The following NFKBIB variants were observed in gnomAD, a reference collection of about 807,000 sequenced individuals.
NFKBIB encodes the protein NF-kappa-B inhibitor beta.
In NFKBIB, 16 loss-of-function variants were observed where a neutral mutation model predicts 32.1. The ratio of observed to expected loss-of-function variants is 0.50; its 90% CI spans 0.34 to 0.76. The LOEUF (loss-of-function observed/expected upper bound fraction) is 0.76. Among genes scored for constraint, NFKBIB ranks in the 30% least tolerant of loss-of-function variants. The pLI, the probability that NFKBIB is intolerant of heterozygous loss-of-function variation, is 0.01. For missense variants in NFKBIB, 437 were observed against 514.9 expected, an observed-to-expected ratio of 0.85 and a Z score of 1.46; for synonymous variants, 222 against 219.5, an observed-to-expected ratio of 1.01 and a Z score of -0.10.
At chr19:38,906,985 G>C (rs1402904260) in intron 3 of NFKBIB, among the ~76,000 whole-genome samples, 1 of 152,204 alleles carries the variant, frequency 6.6e-6, no homozygotes, top group African/African-American at 2.4e-5. Flanking sequence ...ACCCCAGGCT[G>C]TTTACCCGCG....
At chr19:38,907,951 G>A (rs750672519) in intron 5 of NFKBIB, 120 of 1,246,414 alleles carry the variant, frequency 9.6e-5, no homozygotes, top group Non-Finnish European at 1.2e-4. Context: ...GGGTGGTAGC[G>A]CTGGGGGTGA....
chr19:38,907,723 G>A (rs1242266326), intron 5 of NFKBIB, 64 bp downstream of exon 5: 1 of 1,492,922 alleles, frequency 6.7e-7, no homozygotes, highest in Non-Finnish European at 9.0e-7. Flanking sequence ...CAGGCAAGAA[G>A]CCCAAGAAGA....
intron 1 of NFKBIB, among the ~76,000 whole-genome samples, chr19:38,903,165 C>T (rs1273289107): frequency 3.9e-5 from 6 of 152,134 alleles, no homozygotes; most frequent in Non-Finnish European, 1.5e-5. Context: ...TATCTGGCTC[C>T]TTACAGAAAA....
At chr19:38,903,962 C>T (rs1005744632) in intron 1 of NFKBIB, among the ~76,000 whole-genome samples, 43 of 151,926 alleles carry the variant, frequency 2.8e-4, no homozygotes, top group Middle Eastern at 3.4e-3. Context: ...TCCGGCTACT[C>T]GGGAGGCTGA....
chr19:38,905,741 C>T lies in NFKBIB; in HGVS notation c.619+206C>T, dbSNP rs1448785294. ...AGGACCCAGGACCCCCACCTGGAGG[C>T]CCCAGGTCACTTGGGATGCAGACCT... On this transcript the variant is annotated intron_variant, in intron 3 of 5. Transcript: ENST00000313582. The surrounding 1 kb of genome is among the most constrained non-coding windows in gnomAD (Gnocchi z 5.5). Among the ~76,000 whole-genome samples, 2 of 152,136 alleles carry T rather than the reference C, an allele frequency of 1.3e-5. No homozygotes were observed. Among genetic ancestry groups the T allele is most frequent in the Non-Finnish European group, 2.9e-5 (2 of 68,006 alleles).
chr19:38,907,103 G>A (rs756242633), intron 3 of NFKBIB, 118 bp from the exon 4 acceptor site: 6 of 920,210 alleles, frequency 6.5e-6, no homozygotes, highest in Non-Finnish European at 9.9e-6. Flanking sequence ...CAAGAATTCA[G>A]GAACCAGCCC....
At position 38,905,288 on chromosome 19, in the gene NFKBIB, G is replaced by C; in HGVS notation, c.372G>C (p.Glu124Asp). The C allele has an allele frequency of 1.2e-6, 2 of 1,604,470 alleles. No individual in the cohort carries two copies. The highest frequency in any genetic ancestry group is 1.1e-5 in the South Asian group (1 of 90,304). ...CAGGCGCCGGGCTGTGTGTGGCGGA[G>C]CGTAGGGGCCACACGGCGCTGCACC... Reference protein sequence around the residue: ...YAAGAGLCVAERRGHTALHLA... With the variant: ...YAAGAGLCVADRRGHTALHLA... Residue 124 changes from glutamate to aspartate, a missense_variant, in exon 3 of 6, where the codon GAG (glutamate) becomes GAC (aspartate). Transcript: ENST00000313582. This position sits in a 1 kb window ranked among gnomAD's most constrained non-coding sequence, Gnocchi z 5.5.
In NFKBIB at chr19:38,907,950, C is replaced by T. The variant is rs540416242; in HGVS notation, c.969+291C>T. 21 of 1,241,636 alleles carry T rather than the reference C, an allele frequency of 1.7e-5. No homozygotes were observed. In the African/African-American group the frequency reaches 2.1e-4, roughly 13 times the overall value. The allele number at this position is 1,241,636 out of a possible 1,614,324, so 76.9% of individuals were successfully genotyped here. On this transcript the variant is annotated intron_variant, in intron 5 of 5. Transcript: ENST00000313582. ...TGAACACAGCGGGGGTGGGTGGTAG[C>T]GCTGGGGGTGATTTTAGGCAGCAAG...
chr19:38,904,277 G>A (rs559875158), intron 1 of NFKBIB, among the ~76,000 whole-genome samples: 22 of 152,148 alleles, frequency 1.4e-4, no homozygotes, highest in African/African-American at 3.6e-4. Flanking sequence ...TATCCCACCC[G>A]ATAGCCTGTG....
At position 38,905,483 on chromosome 19, in the gene NFKBIB, A is replaced by C. The variant is rs765375783; in HGVS notation, c.567A>C (p.Glu189Asp). 6.2e-7 allele frequency: 1 copy of C among 1,613,772 alleles called. No homozygotes were observed. The highest frequency in any genetic ancestry group is 2.2e-5 in the East Asian group (1 of 44,878). Residue 189 changes from glutamate to aspartate, a missense_variant, in exon 3 of 6, where the codon GAA becomes GAC. Physicochemically the swap from Glu to Asp is conservative, Grantham distance 45 (BLOSUM62 2). Coordinates refer to ENST00000313582, the MANE Select transcript of NFKBIB (RefSeq NM_002503.5). The surrounding 1 kb of genome is among the most constrained non-coding windows in gnomAD (Gnocchi z 5.5). ...LYPDSDLEKE[E>D]EESEEDWKLQ... Reference sequence around the variant, plus strand: ...CCGATTCCGACTTGGAGAAGGAAGAAGAGGAGAGTGAGGAGGACTGGAAGC... The same window carrying C: ...CCGATTCCGACTTGGAGAAGGAAGACGAGGAGAGTGAGGAGGACTGGAAGC...
In NFKBIB at chr19:38,903,480, G is replaced by T. The variant is rs61559005; in HGVS notation, c.180-1535G>T. ...TTTTTGTATTTTTTGTAGAGACAGG[G>T]TCTCATCGTGTTGGCCAGGTTGGTC... On this transcript the variant is annotated intron_variant, in intron 1 of 5. Transcript: ENST00000313582. Among the ~76,000 whole-genome samples the T allele has an allele frequency of 7.1e-3, 1,077 of 152,048 alleles. 30 individuals are homozygous for T. In the East Asian group the frequency reaches 0.085, roughly 12 times the overall value.
At chr19:38,899,792 C>T (rs201274083), upstream of NFKBIB, 89 of 677,230 alleles carry the variant, frequency 1.3e-4, no homozygotes, top group Non-Finnish European at 2.0e-4. Context: ...GTGGCGTCAG[C>T]AGCCATGTTG....
rs901479979 is a variant in NFKBIB at position 38,907,769 on chromosome 19, C to T, written c.969+110C>T. On this transcript the variant is annotated intron_variant, in intron 5 of 5. Transcript: ENST00000313582. ...CCGACCTTGGGCTGCTGTTAGAGAACTCAGGCAGCAGCGCCAGTGACACGG... is the reference window on the plus strand; with the variant it reads ...CCGACCTTGGGCTGCTGTTAGAGAATTCAGGCAGCAGCGCCAGTGACACGG... 2.8e-5 allele frequency: 41 copies of T among 1,455,230 alleles called. 1 individual carries two copies. The highest frequency in any genetic ancestry group is 2.3e-4 in the African/African-American group (16 of 70,144). 90.1% of individuals were successfully genotyped at this position (1,455,230 alleles called of 1,614,324 possible). A position where few individuals can be genotyped will look rare whatever the true frequency, so the allele number is the denominator to read the frequency against.
rs553551505 is a variant in NFKBIB at position 38,907,458 on chromosome 19, G to T, written c.768G>T (p.Val256=). The T allele has an allele frequency of 2.2e-5, 35 of 1,609,552 alleles. 1 individual carries two copies. The South Asian group carries it at 3.5e-4, about 16-fold the overall frequency. The change falls in exon 5 of 6, where the codon GTG becomes GTT. Residue 256 remains valine, a synonymous_variant. Coordinates refer to ENST00000313582, the MANE Select transcript of NFKBIB (RefSeq NM_002503.5). ...HLAVEAQAAD[V]LELLLRAGAN... Reference sequence around the variant, plus strand: ...CAGTGGAGGCCCAGGCAGCCGATGTGCTGGAGCTTCTCCTGAGGGCAGGCG... The same window carrying T: ...CAGTGGAGGCCCAGGCAGCCGATGTTCTGGAGCTTCTCCTGAGGGCAGGCG...
chr19:38,902,994 G>A lies in NFKBIB; in HGVS notation c.180-2021G>A, dbSNP rs527982343. 1.3e-3 allele frequency among the ~76,000 whole-genome samples: 199 copies of A among 152,208 alleles called. 1 individual carries two copies. Among genetic ancestry groups the A allele is most frequent in the Admixed American group, 2.0e-3 (31 of 15,282 alleles). ...AGAGGCAGGAGAATCGCTTGAACCCGGGAGGCGGAGGTTGCAGTGAGCTGA... is the reference window on the plus strand; with the variant it reads ...AGAGGCAGGAGAATCGCTTGAACCCAGGAGGCGGAGGTTGCAGTGAGCTGA... On this transcript the variant is annotated intron_variant, in intron 1 of 5. Transcript: ENST00000313582.
chr19:38,902,064 A>T, intron 1 of NFKBIB, among the ~76,000 whole-genome samples: 4 of 119,504 alleles, frequency 3.3e-5, no homozygotes, highest in Admixed American at 8.8e-5. Flanking sequence ...CTCCTTCTGT[A>T]TAGTGTTTTT....
In NFKBIB at chr19:38,907,322, C is replaced by A. The variant is rs568276613; in HGVS notation, c.708+13C>A. On this transcript the variant is annotated intron_variant, in intron 4 of 5. Transcript: ENST00000313582. ...CCTTGACAAACCGGTGAGCCCCAACCTCGGGGAAGATGCCGTCGGCGGGAG... is the reference window on the plus strand; with the variant it reads ...CCTTGACAAACCGGTGAGCCCCAACATCGGGGAAGATGCCGTCGGCGGGAG... 1 of 1,609,902 alleles carries A rather than the reference C, an allele frequency of 6.2e-7. No homozygotes were observed. The highest frequency in any genetic ancestry group is 1.1e-5 in the South Asian group (1 of 90,924).
chr19:38,907,394 C>T lies in NFKBIB; in HGVS notation c.709-5C>T. 6.3e-7 allele frequency: 1 copy of T among 1,588,834 alleles called. No homozygotes were observed. The highest frequency in any genetic ancestry group is 8.6e-7 in the Non-Finnish European group (1 of 1,162,904). On this transcript the variant is annotated splice_region_variant and splice_polypyrimidine_tract_variant and intron_variant, in intron 4 of 5. Transcript: ENST00000313582. ...CCCTCTGACCTTTCTGTTGCACCCC[C>T]ACAGGAGCCCACGTGCGGCCGGAGC...
At chr19:38,901,863 A>C (rs768923336) in intron 1 of NFKBIB, among the ~76,000 whole-genome samples, 2 of 152,016 alleles carry the variant, frequency 1.3e-5, no homozygotes, top group Non-Finnish European at 2.9e-5. Flanking sequence ...TACAGGGATG[A>C]ACCACTGTGC....
Sources: allele counts gnomAD v4.1 joint callset (sites outside exome capture counted in the v4.1 genomes callset), GRCh38; gene constraint gnomAD v4.1.1; non-coding constraint Gnocchi (gnomAD v3.1); transcripts MANE v1.5; gene names NCBI Gene and HGNC (gene_info 2026-07-23, HGNC 2026-07-21).